The following ARSA variants were observed in gnomAD, a reference collection of about 807,000 sequenced individuals.
The protein encoded by ARSA is arylsulfatase A.
ARSA carries 32 observed loss-of-function variants against 37.8 expected under a neutral mutation model. The observed-to-expected ratio is 0.85, with a 90% confidence interval of 0.64 to 1.14. The LOEUF is 1.14. Among genes scored for constraint, ARSA ranks in the 50% most tolerant of loss-of-function variants. The pLI is 0.00. For synonymous variants in ARSA, 303 were observed against 303.4 expected, an observed-to-expected ratio of 1.00 and a Z score of 0.01; for missense variants, 685 against 686.3, an observed-to-expected ratio of 1.00 and a Z score of 0.02.
In ARSA at chr22:50,627,905, G is replaced by T; in HGVS notation, c.-126C>A. ...ACCCAAATACTCCCCGACCCTGACG[G>T]CCGCCTCCTGAAGCTCCAGAGGGCC... On this transcript the variant is annotated 5_prime_UTR_variant, in exon 1 of 8. Coordinates refer to ENST00000216124, the MANE Select transcript of ARSA (RefSeq NM_000487.6). The T allele has an allele frequency of 1.0e-6, 1 of 963,114 alleles. No homozygotes were observed. Among genetic ancestry groups the T allele is most frequent in the Non-Finnish European group, 1.5e-6 (1 of 661,696 alleles). The allele number at this position is 963,114 out of a possible 1,614,324, so 59.7% of individuals were successfully genotyped here. A position where few individuals can be genotyped will look rare whatever the true frequency, so the allele number is the denominator to read the frequency against.
At position 50,627,782 on chromosome 22, in the gene ARSA, G is replaced by A; in HGVS notation, c.-3C>T. 26 of 1,542,530 alleles carry A rather than the reference G, an allele frequency of 1.7e-5. No homozygotes were observed. Among genetic ancestry groups the A allele is most frequent in the Non-Finnish European group, 2.3e-5 (26 of 1,146,748 alleles). ...GACCGCGGTGCCCCCATGGACATGG[G>A]ACCGAGGGGTCTGTCCCAAGAGAGG... On this transcript the variant is annotated 5_prime_UTR_variant, in exon 1 of 8. Coordinates refer to ENST00000216124, the MANE Select transcript of ARSA (RefSeq NM_000487.6).
At position 50,626,674 on chromosome 22, in the gene ARSA, A is replaced by T. The variant is rs563053401; in HGVS notation, c.771T>A (p.Asp257Glu). The T allele has an allele frequency of 3.1e-6, 5 of 1,614,134 alleles. No homozygotes were observed. In the African/African-American group the frequency reaches 5.3e-5, roughly 17 times the overall value. ...GPFGDSLMELDAAVGTLMTAI... is the reference protein window; with the variant it reads ...GPFGDSLMELEAAVGTLMTAI... Reference sequence around the variant, plus strand: ...CTGTCATCAGGGTCCCCACAGCTGCATCCAGCTCCATCAGGGAGTCCCCAA... The same window carrying T: ...CTGTCATCAGGGTCCCCACAGCTGCTTCCAGCTCCATCAGGGAGTCCCCAA... The change falls in exon 4 of 8, where the codon GAT becomes GAA. Residue 257 changes from aspartate (D) to glutamate (E), a missense_variant. Physicochemically the swap from Asp to Glu is conservative, Grantham distance 45 (BLOSUM62 2). Coordinates refer to ENST00000216124, the MANE Select transcript of ARSA (RefSeq NM_000487.6).
In ARSA at chr22:50,626,927, G is replaced by A. The variant is rs34457249; in HGVS notation, c.591C>T (p.Pro197=). 26 of 1,613,228 alleles carry A rather than the reference G, an allele frequency of 1.6e-5. No homozygotes were observed. Among genetic ancestry groups the A allele is most frequent in the East Asian group, 1.6e-4 (7 of 44,880 alleles). ...AAGCCATGTAGCGGGCCTCTAGTCC[G>A]GGCAGCCAGGGGGGCTGCGCCTCCA... ...LSVEAQPPWL[P]GLEARYMAFA... Residue 197 remains proline, a synonymous_variant, in exon 3 of 8, where the codon CCC becomes CCT. Transcript: ENST00000216124.
chr22:50,625,073 T>C lies in ARSA; in HGVS notation c.*72A>G. The stretch of plus-strand genomic sequence containing the variant: ...ATTACGTTATCAGGCACAAACCCCC[T>C]CCAGACACCTGAGCCTCCCCCACAG... On this transcript the variant is annotated 3_prime_UTR_variant, in exon 8 of 8. Coordinates refer to ENST00000216124, the MANE Select transcript of ARSA (RefSeq NM_000487.6). 1 of 1,434,652 alleles carries C rather than the reference T, an allele frequency of 7.0e-7. No individual in the cohort carries two copies. Among genetic ancestry groups the C allele is most frequent in the South Asian group, 1.4e-5 (1 of 69,386 alleles). The allele number at this position is 1,434,652 out of a possible 1,614,324, so 88.9% of individuals were successfully genotyped here.
At position 50,625,631 on chromosome 22, in the gene ARSA, A is replaced by G. The variant is rs1190432487; in HGVS notation, c.1158T>C (p.Arg386=). Residue 386 remains arginine (R), a synonymous_variant, in exon 7 of 8, where the codon CGT becomes CGC. Coordinates refer to ENST00000216124, the MANE Select transcript of ARSA (RefSeq NM_000487.6). ...FFYPSYPDEV[R]GVFAVRTGKY... ...TTCCAGTCCGCACAGCAAAAACCCC[A>G]CGGACCTCGTCTGGGTAGGACGGGT... 6.2e-7 allele frequency: 1 copy of G among 1,613,784 alleles called. No homozygotes were observed. Among genetic ancestry groups the G allele is most frequent in the East Asian group, 2.2e-5 (1 of 44,878 alleles).
At chr22:50,625,486 T>C in intron 7 of ARSA, 22 bp from the exon 8 acceptor site, 1 of 1,598,928 alleles carries the variant, frequency 6.3e-7, no homozygotes, top group African/African-American at 1.4e-5. Context: ...GCCAATTCTG[T>C]GCACAGGGCA....
At position 50,623,113 on chromosome 22, in the gene ARSA, G is replaced by C. The variant is rs1191686805; in HGVS notation, c.*2032C>G. 3.3e-5 allele frequency: 5 copies of C among 152,248 alleles called. No individual in the cohort carries two copies. Among genetic ancestry groups the C allele is most frequent in the African/African-American group, 1.2e-4 (5 of 41,450 alleles). 9.4% of individuals were successfully genotyped at this position (152,248 alleles called of 1,614,324 possible). ...CCACGGGGAGGTGTCTGAACGCCCG[G>C]AAGGTGTGCTCCTCTCACTTGGCCA... On this transcript the variant is annotated 3_prime_UTR_variant, in exon 8 of 8. Transcript: ENST00000216124.
At position 50,627,931 on chromosome 22, in the gene ARSA, G is replaced by C; in HGVS notation, c.-152C>G. 1 of 748,992 alleles carries C rather than the reference G, an allele frequency of 1.3e-6. No homozygotes were observed. Among genetic ancestry groups the C allele is most frequent in the Non-Finnish European group, 2.1e-6 (1 of 469,914 alleles). 46.4% of individuals were successfully genotyped at this position (748,992 alleles called of 1,614,324 possible). A position where few individuals can be genotyped will look rare whatever the true frequency, so the allele number is the denominator to read the frequency against. On this transcript the variant is annotated 5_prime_UTR_variant, in exon 1 of 8. Coordinates refer to ENST00000216124, the MANE Select transcript of ARSA (RefSeq NM_000487.6). ...CCGCCTCCTGAAGCTCCAGAGGGCC[G>C]GGGCCCGACAGTACCGGGAGACCGC...
In ARSA at chr22:50,627,071, G is replaced by A. The variant is rs371570415; in HGVS notation, c.466-19C>T. On this transcript the variant is annotated intron_variant, in intron 2 of 7. Coordinates refer to ENST00000216124, the MANE Select transcript of ARSA (RefSeq NM_000487.6). ...AGGGGCCCTGAGGCGGGCAGCTGCC[G>A]TGAGGGCTGGGCTGGCAGGTGGGGC... The A allele has an allele frequency of 6.2e-5, 100 of 1,600,392 alleles. 1 individual carries two copies. In the Middle Eastern group the frequency reaches 1.3e-3, roughly 21 times the overall value.
rs2071421 is a variant in ARSA, at chr22:50,625,988, T to C, written c.1055A>G (p.Asn352Ser). Residue 352 changes from asparagine to serine, a missense_variant, in exon 6 of 8, where the codon AAT becomes AGT. Transcript: ENST00000216124. ...GAGGTCAAAGCCATCCAAGGTGACA[T>C]TGGGCAGTGGGGCCCCAGCCAGGGC... ...LAALAGAPLP[N>S]VTLDGFDLSP... is the part of the protein sequence containing the mutation. 225,379 of 1,576,320 alleles carry C rather than the reference T, an allele frequency of 0.14. 18,971 individuals carry two copies. The highest frequency in any genetic ancestry group is 0.34 in the African/African-American group (25,305 of 74,696).
Position 50,627,315 on chromosome 22 carries a change from C to T in ARSA, c.316G>A (p.Glu106Lys). The change falls in exon 2 of 8, where the codon GAG (glutamate) becomes AAG (lysine). Residue 106 changes from glutamate (E) to lysine (K), a missense_variant. Transcript: ENST00000216124. ...PSSRGGLPLE[E>K]VTVAEVLAAR... ...GCCAGGACTTCGGCCACGGTCACCT[C>T]CTCCAGGGGCAGGCCCCCCCGGGAG... 6.3e-7 allele frequency: 1 copy of T among 1,588,532 alleles called. No homozygotes were observed. Among genetic ancestry groups the T allele is most frequent in the Non-Finnish European group, 8.6e-7 (1 of 1,168,570 alleles).
Position 50,623,121 on chromosome 22 carries a change from G to C in ARSA, c.*2024C>G, listed in dbSNP as rs983863720. 1 of 152,386 alleles carries C rather than the reference G, an allele frequency of 6.6e-6. No individual in the cohort carries two copies. Among genetic ancestry groups the C allele is most frequent in the African/African-American group, 2.4e-5 (1 of 41,590 alleles). 9.4% of individuals were successfully genotyped at this position (152,386 alleles called of 1,614,324 possible). A position where few individuals can be genotyped will look rare whatever the true frequency, so the allele number is the denominator to read the frequency against. ...AGGTGTCTGAACGCCCGGAAGGTGT[G>C]CTCCTCTCACTTGGCCAACACTGAG... On this transcript the variant is annotated 3_prime_UTR_variant, in exon 8 of 8. Transcript: ENST00000216124.
At position 50,623,898 on chromosome 22, in the gene ARSA, C is replaced by CAAAAAAAAAAAAAAAAAA. The variant is rs131716; in HGVS notation, c.*1229_*1246dup. 7.1e-5 allele frequency: 10 copies of CAAAAAAAAAAAAAAAAAA among 141,744 alleles called. No individual in the cohort carries two copies. Among genetic ancestry groups the CAAAAAAAAAAAAAAAAAA allele is most frequent in the Non-Finnish European group, 1.4e-4 (9 of 64,150 alleles). 8.8% of individuals were successfully genotyped at this position (141,744 alleles called of 1,614,324 possible). A position where few individuals can be genotyped will look rare whatever the true frequency, so the allele number is the denominator to read the frequency against. ...TGGGCGACAGAGCGAGACTCCGTCT[C>CAAAAAAAAAAAAAAAAAA]AAAAAAAAAAAAAAAAAAAAAAAAA... On this transcript the variant is annotated 3_prime_UTR_variant, in exon 8 of 8. Coordinates refer to ENST00000216124, the MANE Select transcript of ARSA (RefSeq NM_000487.6).
chr22:50,625,364 A>G lies in ARSA; in HGVS notation c.1311T>C (p.Pro437=), dbSNP rs1450339742. 10 of 1,609,336 alleles carry G rather than the reference A, an allele frequency of 6.2e-6. No individual in the cohort carries two copies. The highest frequency in any genetic ancestry group is 7.6e-6 in the Non-Finnish European group (9 of 1,177,526). The part of the protein sequence containing the change: ...PPLLYDLSKD[P]GENYNLLGGV... The stretch of plus-strand genomic sequence containing the variant: ...CCCCCAGCAGGTTGTAGTTCTCACC[A>G]GGGTCCTTGGACAGGTCATAGAGCA... Residue 437 remains proline, a synonymous_variant, in exon 8 of 8, where the codon CCT becomes CCC. Coordinates refer to ENST00000216124, the MANE Select transcript of ARSA (RefSeq NM_000487.6).
rs1372068252 is a variant in ARSA, at chr22:50,626,394, C to G, written c.855-116G>C. On this transcript the variant is annotated intron_variant, in intron 4 of 7. Coordinates refer to ENST00000216124, the MANE Select transcript of ARSA (RefSeq NM_000487.6). ...CTTGCCCGGAGGTGCCCAGCATGAG[C>G]CCGGCACCTCCCAGGCCTACCAAGA... 9.9e-6 allele frequency: 15 copies of G among 1,520,882 alleles called. No homozygotes were observed. In the Admixed American group the frequency reaches 2.9e-4, roughly 30 times the overall value. The allele number at this position is 1,520,882 out of a possible 1,614,324, so 94.2% of individuals were successfully genotyped here. A position where few individuals can be genotyped will look rare whatever the true frequency, so the allele number is the denominator to read the frequency against.
In ARSA at chr22:50,626,943, T is replaced by A; in HGVS notation, c.575A>T (p.Gln192Leu). Residue 192 changes from glutamine to leucine, a missense_variant, in exon 3 of 8, where the codon CAG becomes CTG. Gln to Leu is a moderately radical substitution (Grantham distance 113, BLOSUM62 -2). Coordinates refer to ENST00000216124, the MANE Select transcript of ARSA (RefSeq NM_000487.6). ...PLLANLSVEA[Q>L]PPWLPGLEAR... ...CTCTAGTCCGGGCAGCCAGGGGGGC[T>A]GCGCCTCCACGGACAGGTTGGCCAA... The A allele has an allele frequency of 6.2e-7, 1 of 1,613,080 alleles. No individual in the cohort carries two copies. The highest frequency in any genetic ancestry group is 8.5e-7 in the Non-Finnish European group (1 of 1,179,962).
chr22:50,622,777 T>A lies in ARSA; in HGVS notation c.*2368A>T, dbSNP rs570115432. 2.0e-4 allele frequency: 31 copies of A among 152,220 alleles called. No individual in the cohort carries two copies. Among genetic ancestry groups the A allele is most frequent in the Non-Finnish European group, 3.2e-4 (22 of 68,062 alleles). 9.4% of individuals were successfully genotyped at this position (152,220 alleles called of 1,614,324 possible). A position where few individuals can be genotyped will look rare whatever the true frequency, so the allele number is the denominator to read the frequency against. On this transcript the variant is annotated 3_prime_UTR_variant, in exon 8 of 8. Transcript: ENST00000216124. The stretch of plus-strand genomic sequence containing the variant: ...AGTGGCTTCAACAGGCAGGGTTTAT[T>A]TTCTTACGCTTGGAGCTCTCCAGGT...
In ARSA at chr22:50,626,834, G is replaced by A. The variant is rs762695598; in HGVS notation, c.684C>T (p.His228=). 30 of 1,612,480 alleles carry A rather than the reference G, an allele frequency of 1.9e-5. No individual in the cohort carries two copies. The highest frequency in any genetic ancestry group is 7.7e-5 in the South Asian group (7 of 91,042). ...DRPFFLYYAS[H]HTHYPQFSGQ... is the part of the protein sequence containing the mutation. The stretch of plus-strand genomic sequence containing the variant: ...AGGGGGTTGGGCCAAGATCACTTAC[G>A]TGAGAGGCATAGTACAGGAAGAAGG... Residue 228 remains histidine, a splice_region_variant and synonymous_variant, in exon 3 of 8, where the codon CAC becomes CAT. Coordinates refer to ENST00000216124, the MANE Select transcript of ARSA (RefSeq NM_000487.6).
In ARSA at chr22:50,625,563, C is replaced by G. The variant is rs2146717531; in HGVS notation, c.1210+16G>C. 1 of 1,612,048 alleles carries G rather than the reference C, an allele frequency of 6.2e-7. No homozygotes were observed. The highest frequency in any genetic ancestry group is 2.2e-5 in the East Asian group (1 of 44,846). Reference sequence around the variant, plus strand: ...GGTCAGCAGGTCGGGGGGAGGGATCCACGGGGAGGGGTTACCCTGGGTGAA... The same window carrying G: ...GGTCAGCAGGTCGGGGGGAGGGATCGACGGGGAGGGGTTACCCTGGGTGAA... On this transcript the variant is annotated intron_variant, in intron 7 of 7. Coordinates refer to ENST00000216124, the MANE Select transcript of ARSA (RefSeq NM_000487.6).
Sources: allele counts gnomAD v4.1 joint callset, GRCh38; gene constraint gnomAD v4.1.1; transcripts MANE v1.5; gene names NCBI Gene and HGNC (gene_info 2026-07-23, HGNC 2026-07-21).